Variants in AMPH observed in about 807,000 individuals in gnomAD.
The protein encoded by AMPH is amphiphysin (Stiff-Mann syndrome with breast cancer 128kD autoantigen).
A neutral mutation model predicts 99.1 loss-of-function variants in AMPH; 49 were observed. The observed-to-expected ratio is 0.49, with a 90% confidence interval of 0.39 to 0.63. The LOEUF (loss-of-function observed/expected upper bound fraction) is 0.63. AMPH is among the 20% of genes least tolerant of loss of function. AMPH has a pLI of 0.00. For synonymous variants in AMPH, 314 were observed against 317.3 expected, an observed-to-expected ratio of 0.99 and a Z score of 0.11; for missense variants, 759 against 863.4, an observed-to-expected ratio of 0.88 and a Z score of 1.52.
At chr7:38,526,632 G>A (rs1008539653) in intron 2 of AMPH, among the ~76,000 whole-genome samples, 1 of 151,594 alleles carries the variant, frequency 6.6e-6, no homozygotes, top group Non-Finnish European at 1.5e-5. Context: ...TTTTTACTAC[G>A]GAGTTTTAAG....
chr7:38,394,245 G>A (rs956693302), intron 17 of AMPH, 31 bp from the exon 18 acceptor site: 1 of 1,608,882 alleles, frequency 6.2e-7, no homozygotes, highest in Non-Finnish European at 8.5e-7. Flanking sequence ...GGCCACGTCT[G>A]CATCTCCATG....
chr7:38,547,719 T>A (rs1157137787), intron 1 of AMPH, among the ~76,000 whole-genome samples: 1 of 152,166 alleles, frequency 6.6e-6, no homozygotes, highest in Non-Finnish European at 1.5e-5. Context: ...TAGGGAAACA[T>A]GAGACATCAA....
At chr7:38,561,664 G>A (rs977515539) in intron 1 of AMPH, among the ~76,000 whole-genome samples, 2 of 152,174 alleles carry the variant, frequency 1.3e-5, no homozygotes, top group African/African-American at 2.4e-5. Flanking sequence ...GTGTCCCAGC[G>A]AAATTCATAT....
intron 12 of AMPH, among the ~76,000 whole-genome samples, chr7:38,435,125 G>C (rs1477511152): frequency 6.6e-6 from 1 of 152,162 alleles, no homozygotes; most frequent in African/African-American, 2.4e-5. Flanking sequence ...GAGGCTTCCT[G>C]GAACTTTCAC....
chr7:38,464,090 A>G (rs1364523899), intron 9 of AMPH: 2 of 1,289,602 alleles, frequency 1.6e-6, no homozygotes, highest in Non-Finnish European at 2.0e-6. Context: ...CTCACTCACC[A>G]CCTCATTCTG....
chr7:38,501,386 T>G (rs1789129620), intron 3 of AMPH, among the ~76,000 whole-genome samples: 1 of 152,132 alleles, frequency 6.6e-6, no homozygotes. Flanking sequence ...GGTTTTGCCA[T>G]GTTGCCCAGG....
At chr7:38,550,809 T>G (rs954438406) in intron 1 of AMPH, among the ~76,000 whole-genome samples, 1 of 152,204 alleles carries the variant, frequency 6.6e-6, no homozygotes, top group Admixed American at 6.5e-5. Context: ...TAGTTTAATT[T>G]GCATTTTAAT....
At chr7:38,490,026 C>A (rs1788662099) in intron 5 of AMPH, among the ~76,000 whole-genome samples, 1 of 152,088 alleles carries the variant, frequency 6.6e-6, no homozygotes, top group East Asian at 1.9e-4. Context: ...AAACAGTACT[C>A]TGAAGTGATT....
chr7:38,581,413 C>T (rs968794466), intron 1 of AMPH, among the ~76,000 whole-genome samples: 1 of 152,122 alleles, frequency 6.6e-6, no homozygotes, highest in Non-Finnish European at 1.5e-5. Flanking sequence ...TGCAAAAGCC[C>T]AGAGGTCCCA....
intron 1 of AMPH, among the ~76,000 whole-genome samples, chr7:38,592,905 C>T (rs564382344): frequency 9.9e-5 from 15 of 152,276 alleles, no homozygotes; most frequent in South Asian, 4.2e-4. Context: ...GGCCAACCTG[C>T]GGCATATTCT....
intron 15 of AMPH, among the ~76,000 whole-genome samples, chr7:38,423,311 A>C (rs73350713): frequency 0.047 from 7,113 of 152,254 alleles, 524 homozygotes; most frequent in African/African-American, 0.16. Context: ...TCTAAAGGAA[A>C]CTTCATCTCT....
chr7:38,424,345 G>A (rs868686994), intron 15 of AMPH, among the ~76,000 whole-genome samples: 9 of 152,180 alleles, frequency 5.9e-5, no homozygotes, highest in Middle Eastern at 6.8e-3. Context: ...TTAAGCAAGA[G>A]GAAGAAACAA....
chr7:38,385,484 AT>A (rs1217233336), intron 20 of AMPH, among the ~76,000 whole-genome samples: 1 of 152,190 alleles, frequency 6.6e-6, no homozygotes, highest in Non-Finnish European at 1.5e-5. Context: ...TAAACTACCT[AT>A]GTAGATGTAG....
In AMPH at chr7:38,384,918, C is replaced by G; in HGVS notation, c.1988G>C (p.Gly663Ala). 6.2e-7 allele frequency: 1 copy of G among 1,613,286 alleles called. No homozygotes were observed. Among genetic ancestry groups the G allele is most frequent in the Non-Finnish European group, 8.5e-7 (1 of 1,179,386 alleles). ...PSDSEADQDAGWLVGVKESDW... is the reference protein window; with the variant it reads ...PSDSEADQDAAWLVGVKESDW... ...TGATTCCTTCACTCCCACCAGCCAG[C>G]CTGCATCCTGAAAAACAATGACAGA... is the stretch of plus-strand genomic sequence containing the variant. The change falls in exon 21 of 21, where the codon GGC becomes GCC. Residue 663 changes from glycine (G) to alanine (A), a missense_variant. Physicochemically the swap from Gly to Ala is moderately conservative, Grantham distance 60. This residue lies in a region of AMPH where 554 missense variants were observed against 575.6 expected (regional missense o/e 0.96). Transcript: ENST00000356264.
Position 38,530,395 on chromosome 7 carries a change from G to A in AMPH, c.150+4536C>T, listed in dbSNP as rs557768083. On this transcript the variant is annotated intron_variant, in intron 2 of 20. Transcript: ENST00000356264. ...ACAAAAGTTAGCCTATCACTCAGTCGTGGCCATGGAGGAGCTGCACAACAC... is the reference window on the plus strand; with the variant it reads ...ACAAAAGTTAGCCTATCACTCAGTCATGGCCATGGAGGAGCTGCACAACAC... 7.9e-5 allele frequency among the ~76,000 whole-genome samples: 12 copies of A among 152,242 alleles called. No individual in the cohort carries two copies. In the South Asian group the frequency reaches 1.7e-3, roughly 21 times the overall value.
intron 11 of AMPH, among the ~76,000 whole-genome samples, chr7:38,450,615 G>T (rs533893197): frequency 6.6e-6 from 1 of 152,204 alleles, no homozygotes; most frequent in Non-Finnish European, 1.5e-5. Flanking sequence ...ATCCACAAAG[G>T]TGTTGTGAGC....
At chr7:38,562,991 C>T (rs995329462) in intron 1 of AMPH, among the ~76,000 whole-genome samples, 2 of 152,220 alleles carry the variant, frequency 1.3e-5, no homozygotes, top group Non-Finnish European at 2.9e-5. Context: ...AAGTCAACTA[C>T]ATTTGCACCC....
rs1788701321 is a variant in AMPH, at chr7:38,491,049, C to A, written c.396+1G>T. 4 of 1,599,272 alleles carry A rather than the reference C, an allele frequency of 2.5e-6. No individual in the cohort carries two copies. Among genetic ancestry groups the A allele is most frequent in the Non-Finnish European group, 3.4e-6 (4 of 1,166,894 alleles). On this transcript the variant is annotated splice_donor_variant, in intron 5 of 20. Transcript: ENST00000356264. LOFTEE classifies it high-confidence loss of function. Reference sequence around the variant, plus strand: ...CCCTTTATAGACACAGAGTAAAATACCTTTATGTCAGGAAATTGCCCCAGG... The same window carrying A: ...CCCTTTATAGACACAGAGTAAAATAACTTTATGTCAGGAAATTGCCCCAGG...
chr7:38,543,271 T>TA (rs1175993811), intron 1 of AMPH, among the ~76,000 whole-genome samples: 1 of 151,748 alleles, frequency 6.6e-6, no homozygotes, highest in South Asian at 2.1e-4. Flanking sequence ...AAATAAAAAA[T>TA]AAAAAAACGC....
Sources: allele counts gnomAD v4.1 joint callset (sites outside exome capture counted in the v4.1 genomes callset), GRCh38; gene constraint gnomAD v4.1.1; regional missense constraint gnomAD v4.1.1; transcripts MANE v1.5; gene names NCBI Gene and HGNC (gene_info 2026-07-23, HGNC 2026-07-21).